The following MYL10 variants were observed in gnomAD, a reference collection of about 807,000 sequenced individuals.
MYL10 encodes the protein myosin light chain 10, also known as myosin regulatory light chain 10.
A neutral mutation model predicts 21.9 loss-of-function variants in MYL10; 18 were observed. The ratio of observed to expected loss-of-function variants is 0.82; its 90% CI spans 0.57 to 1.22. The LOEUF (loss-of-function observed/expected upper bound fraction) is 1.22. Ranked by LOEUF, MYL10 falls within the 50% of genes most tolerant of loss-of-function variation. The pLI is 0.00. For synonymous variants in MYL10, 88 were observed against 82.8 expected (o/e 1.06, Z -0.34); for missense variants, 225 against 230.4 (o/e 0.98, Z 0.15).
Position 101,629,062 on chromosome 7 carries a change from A to G in MYL10, c.57T>C (p.Pro19=). 2.3e-6 allele frequency: 1 copy of G among 435,842 alleles called. No homozygotes were observed. Among genetic ancestry groups the G allele is most frequent in the Non-Finnish European group, 4.5e-6 (1 of 220,448 alleles). The allele number at this position is 435,842 out of a possible 1,614,324, so 27.0% of individuals were successfully genotyped here. The stretch of plus-strand genomic sequence containing the variant: ...ATACCTGTAATCCCAGCACTTTGGG[A>G]GGCCGAGGAGGGAGGATCACTTGAG... The part of the protein sequence containing the change: ...SWPQVILPPR[P]PKVLGLQAPR... Residue 19 remains proline, a synonymous_variant, in exon 1 of 8, where the codon CCT becomes CCC. Coordinates refer to ENST00000223167, the MANE Select transcript of MYL10 (RefSeq NM_138403.5).
rs1353021926 is a variant in MYL10, at chr7:101,613,611, GT to G, written c.583-39del. On this transcript the variant is annotated intron_variant, in intron 7 of 7. Coordinates refer to ENST00000223167, the MANE Select transcript of MYL10 (RefSeq NM_138403.5). The stretch of plus-strand genomic sequence containing the variant: ...AGAGAGTCAGCCTGCACCAGGCCAA[GT>G]GGGGGCCAGAGCAGAGAATCCGCCG... The G allele has an allele frequency of 3.1e-6, 5 of 1,613,598 alleles. No homozygotes were observed. In the African/African-American group the frequency reaches 5.3e-5, roughly 17 times the overall value.
At position 101,613,353 on chromosome 7, in the gene MYL10, G is replaced by T; in HGVS notation, c.*122C>A. On this transcript the variant is annotated 3_prime_UTR_variant, in exon 8 of 8. Transcript: ENST00000223167. ...GACCTCATTAGCATTATTTATTCTTGCTTTGTCCCCAACCGTAGGACAAGG... is the reference window on the plus strand; with the variant it reads ...GACCTCATTAGCATTATTTATTCTTTCTTTGTCCCCAACCGTAGGACAAGG... 1 of 743,474 alleles carries T rather than the reference G, an allele frequency of 1.3e-6. No individual in the cohort carries two copies. 46.1% of individuals were successfully genotyped at this position (743,474 alleles called of 1,614,324 possible). A position where few individuals can be genotyped will look rare whatever the true frequency, so the allele number is the denominator to read the frequency against.
rs576320892 is a variant in MYL10 at position 101,624,021 on chromosome 7, T to C, written c.172A>G (p.Ser58Gly). Residue 58 changes from serine (S) to glycine (G), a missense_variant and splice_region_variant, in exon 3 of 8, where the codon AGT becomes GGT. By Grantham distance (56) the Ser-to-Gly change is moderately conservative. Coordinates refer to ENST00000223167, the MANE Select transcript of MYL10 (RefSeq NM_138403.5). ...DQSQIQEFKESLALSPRLERN... is the reference protein window; with the variant it reads ...DQSQIQEFKEGLALSPRLERN... ...TCCAGCCTGGGCGACAGAGCCAGAC[T>C]CTGTCAAACAAACAAATAATAATAA... 1.7e-4 allele frequency: 111 copies of C among 635,124 alleles called. 1 individual carries two copies. The African/African-American group carries it at 1.9e-3, about 11-fold the overall frequency. 39.3% of individuals were successfully genotyped at this position (635,124 alleles called of 1,614,324 possible). A position where few individuals can be genotyped will look rare whatever the true frequency, so the allele number is the denominator to read the frequency against.
chr7:101,621,453 G>A (rs955233002), intron 5 of MYL10, among the ~76,000 whole-genome samples: 7 of 152,180 alleles, frequency 4.6e-5, no homozygotes, highest in South Asian at 2.1e-4. Context: ...CCCTCCCTCC[G>A]GCACCCTCTG....
At chr7:101,615,275 T>C (rs1796595822) in intron 6 of MYL10, among the ~76,000 whole-genome samples, 1 of 152,092 alleles carries the variant, frequency 6.6e-6, no homozygotes, top group Admixed American at 6.5e-5. Context: ...CCCCTGGCTC[T>C]TTGCTTATCT....
Position 101,622,180 on chromosome 7 carries a change from C to A in MYL10, c.370G>T (p.Glu124Ter). ...AALGRINVKNEELEAMVKEAP... is the reference protein window; with the variant it reads ...AALGRINVKN ...TCCTTCACCATGGCCTCCAGTTCCT[C>A]GTTCTTGACATTGATGCGGCCTGTG... Residue 124 changes from glutamate to a stop codon, truncating the protein, a stop_gained, in exon 5 of 8, where the codon GAG becomes TAG. Transcript: ENST00000223167. LOFTEE classifies it high-confidence loss of function. The A allele has an allele frequency of 6.2e-7, 1 of 1,612,990 alleles. No homozygotes were observed. The highest frequency in any genetic ancestry group is 1.1e-5 in the South Asian group (1 of 90,964).
chr7:101,619,975 G>A (rs1187090014), intron 5 of MYL10, among the ~76,000 whole-genome samples: 1 of 151,250 alleles, frequency 6.6e-6, no homozygotes, highest in Non-Finnish European at 1.5e-5. Context: ...TGTAAGTTAA[G>A]CATCTTGAGA....
At position 101,613,379 on chromosome 7, in the gene MYL10, G is replaced by A; in HGVS notation, c.*96C>T. 1 of 991,346 alleles carries A rather than the reference G, an allele frequency of 1.0e-6. No individual in the cohort carries two copies. Among genetic ancestry groups the A allele is most frequent in the South Asian group, 1.4e-5 (1 of 72,686 alleles). 61.4% of individuals were successfully genotyped at this position (991,346 alleles called of 1,614,324 possible). A position where few individuals can be genotyped will look rare whatever the true frequency, so the allele number is the denominator to read the frequency against. ...CTTTGTCCCCAACCGTAGGACAAGG[G>A]AAGCCTTTTTCCTGCAGCCTCTGGC... is the stretch of plus-strand genomic sequence containing the variant. On this transcript the variant is annotated 3_prime_UTR_variant, in exon 8 of 8. Transcript: ENST00000223167.
At chr7:101,626,650 C>T (rs1254122197) in intron 1 of MYL10, among the ~76,000 whole-genome samples, 4 of 152,246 alleles carry the variant, frequency 2.6e-5, no homozygotes, top group East Asian at 1.9e-4. Context: ...AGAGGTGCCA[C>T]GCTGCCCCAA....
intron 5 of MYL10, 42 bp from the exon 6 acceptor site, chr7:101,616,340 G>A: frequency 6.5e-7 from 1 of 1,539,400 alleles, no homozygotes; most frequent in Non-Finnish European, 9.0e-7. Flanking sequence ...GGCAGGTGAA[G>A]AGGGCCCCAC....
At chr7:101,616,984 A>G (rs80159759) in intron 5 of MYL10, among the ~76,000 whole-genome samples, 6,660 of 152,272 alleles carry the variant, frequency 0.044, 296 homozygotes, top group East Asian at 0.11. Context: ...GATACCCACA[A>G]TGGGATTGAA....
At chr7:101,627,670 C>T (rs1336755474) in intron 1 of MYL10, among the ~76,000 whole-genome samples, 2 of 152,330 alleles carry the variant, frequency 1.3e-5, no homozygotes, top group East Asian at 1.9e-4. Flanking sequence ...GGGGGGAATC[C>T]GTGGGCAAAT....
chr7:101,629,229 G>A lies in MYL10; in HGVS notation c.-111C>T, dbSNP rs913441844. ...CGTTCATAGGGCATGCGATGGGGGTGTGGCTCGCTTCTTCCATGCCCAGCT... is the reference window on the plus strand; with the variant it reads ...CGTTCATAGGGCATGCGATGGGGGTATGGCTCGCTTCTTCCATGCCCAGCT... On this transcript the variant is annotated 5_prime_UTR_variant, in exon 1 of 8. Coordinates refer to ENST00000223167, the MANE Select transcript of MYL10 (RefSeq NM_138403.5). 6.6e-6 allele frequency: 2 copies of A among 301,916 alleles called. No individual in the cohort carries two copies. Among genetic ancestry groups the A allele is most frequent in the African/African-American group, 4.6e-5 (2 of 43,694 alleles). The allele number at this position is 301,916 out of a possible 1,614,324, so 18.7% of individuals were successfully genotyped here. A position where few individuals can be genotyped will look rare whatever the true frequency, so the allele number is the denominator to read the frequency against.
chr7:101,623,173 G>A (rs1419808371), intron 3 of MYL10, 101 bp from the exon 4 acceptor site: 1 of 1,077,232 alleles, frequency 9.3e-7, no homozygotes, highest in Non-Finnish European at 1.4e-6. Flanking sequence ...GGAGCCTCGG[G>A]GCAGGTCCCT....
intron 1 of MYL10, among the ~76,000 whole-genome samples, chr7:101,625,283 C>A (rs964553213): frequency 6.6e-6 from 1 of 152,216 alleles, no homozygotes; most frequent in African/African-American, 2.4e-5. Context: ...GTCCCCAAGA[C>A]CCTCAAGAGT....
At chr7:101,620,403 G>A (rs1796664120) in intron 5 of MYL10, among the ~76,000 whole-genome samples, 1 of 152,176 alleles carries the variant, frequency 6.6e-6, no homozygotes, top group Admixed American at 6.5e-5. Context: ...CGGCGAGGCT[G>A]AGATGGGAGA....
chr7:101,622,045 T>C (rs1562825407), intron 5 of MYL10, 51 bp downstream of exon 5: 10 of 1,404,834 alleles, frequency 7.1e-6, no homozygotes, highest in South Asian at 1.2e-5. Flanking sequence ...CCTACATCCG[T>C]CCCCCTGCCA....
At chr7:101,626,525 A>G (rs1796748276) in intron 1 of MYL10, among the ~76,000 whole-genome samples, 1 of 152,224 alleles carries the variant, frequency 6.6e-6, no homozygotes, top group African/African-American at 2.4e-5. Flanking sequence ...ACACAGGCAC[A>G]GAGGGACAGC....
At chr7:101,624,592 A>AC (rs1267346865) in intron 1 of MYL10, among the ~76,000 whole-genome samples, 1 of 151,276 alleles carries the variant, frequency 6.6e-6, no homozygotes, top group Non-Finnish European at 1.5e-5. Flanking sequence ...CCCCATCTCT[A>AC]CCCCGGCATC....
Sources: allele counts gnomAD v4.1 joint callset (sites outside exome capture counted in the v4.1 genomes callset), GRCh38; gene constraint gnomAD v4.1.1; transcripts MANE v1.5; gene names NCBI Gene and HGNC (gene_info 2026-07-23, HGNC 2026-07-21).